Variants in LRP2 observed in about 807,000 individuals in gnomAD.
LRP2 encodes the protein LDL receptor related protein 2, also known as low-density lipoprotein receptor-related protein 2.
In LRP2, 172 loss-of-function variants were observed where a neutral mutation model predicts 531.0. That is an observed-to-expected ratio of 0.32 (90% CI 0.29 to 0.37). The LOEUF is 0.37. LRP2 is among the 10% of genes least tolerant of loss of function. The pLI, the probability that LRP2 is intolerant of heterozygous loss-of-function variation, is 1.00. For missense variants in LRP2, 5,167 were observed against 5,868.3 expected (o/e 0.88, Z 3.90); for synonymous variants, 1,992 against 2,027.6 (o/e 0.98, Z 0.47).
At chr2:169,356,255 A>G (rs549232194) in intron 1 of LRP2, among the ~76,000 whole-genome samples, 6 of 152,208 alleles carry the variant, frequency 3.9e-5, no homozygotes, top group Non-Finnish European at 4.4e-5. Context: ...GTTTTGTGAC[A>G]TTCACCAACA....
chr2:169,136,700 A>G (rs1338808716), intron 76 of LRP2, among the ~76,000 whole-genome samples: 16 of 130,494 alleles, frequency 1.2e-4, no homozygotes, highest in Admixed American at 9.1e-4. Flanking sequence ...TCCTTTACCT[A>G]CCCAAATCTT....
chr2:169,158,718 G>A (rs1686450660), intron 63 of LRP2, among the ~76,000 whole-genome samples: 1 of 148,196 alleles, frequency 6.7e-6, no homozygotes, highest in Admixed American at 6.7e-5. Flanking sequence ...AAAATACTAA[G>A]AAATATTTCT....
At chr2:169,133,899 A>G (rs903819825) in intron 76 of LRP2, among the ~76,000 whole-genome samples, 1 of 152,172 alleles carries the variant, frequency 6.6e-6, no homozygotes, top group Non-Finnish European at 1.5e-5. Context: ...CCTGGGCTGT[A>G]CTGCTGCAAA....
intron 42 of LRP2, 123 bp downstream of exon 42, chr2:169,203,859 A>G: frequency 1.9e-6 from 2 of 1,052,942 alleles, no homozygotes; most frequent in Non-Finnish European, 1.4e-6. Flanking sequence ...GGTCTGTTTC[A>G]TAAATTACCC....
chr2:169,181,572 C>G lies in LRP2; in HGVS notation c.10045G>C (p.Val3349Leu). The G allele has an allele frequency of 6.2e-7, 1 of 1,614,178 alleles. No individual in the cohort carries two copies. The highest frequency in any genetic ancestry group is 8.5e-7 in the Non-Finnish European group (1 of 1,180,024). Reference sequence around the variant, plus strand: ...GACTTGTTGGTTCCATCCATGCCTACTCTCCCAATGTATGCGCGGTGACCC... The same window carrying G: ...GACTTGTTGGTTCCATCCATGCCTAGTCTCCCAATGTATGCGCGGTGACCC... ...DWGHRAYIGR[V>L]GMDGTNKSVI... The change falls in exon 52 of 79, where the codon GTA becomes CTA. Residue 3349 changes from valine to leucine, a missense_variant. Val to Leu is a conservative substitution (Grantham distance 32). This residue lies in a region of LRP2 where 1,129 missense variants were observed against 1,362.7 expected (regional missense o/e 0.83). Coordinates refer to ENST00000649046, the MANE Select transcript of LRP2 (RefSeq NM_004525.3).
intron 65 of LRP2, among the ~76,000 whole-genome samples, chr2:169,155,324 T>A (rs576384301): frequency 6.6e-6 from 1 of 152,354 alleles, no homozygotes; most frequent in Non-Finnish European, 1.5e-5. Context: ...TTCAGTCATG[T>A]CCTTAGTTAA....
intron 32 of LRP2, 35 bp downstream of exon 32, chr2:169,226,387 T>C (rs1158818866): frequency 6.4e-7 from 1 of 1,568,662 alleles, no homozygotes; most frequent in East Asian, 2.2e-5. Flanking sequence ...TCTTCAAGAA[T>C]AAATTATATA....
Position 169,231,783 on chromosome 2 carries a change from G to A in LRP2, c.5158C>T (p.Pro1720Ser). Residue 1720 changes from proline (P) to serine (S), a missense_variant, in exon 31 of 79, where the codon CCT (proline) becomes TCT (serine). Pro to Ser is a moderately conservative substitution (Grantham distance 74, BLOSUM62 -1). Around this residue, in one of 6 missense-constraint regions of LRP2, gnomAD observed 2,811 missense variants for 3,058.0 expected, o/e 0.92. Coordinates refer to ENST00000649046, the MANE Select transcript of LRP2 (RefSeq NM_004525.3). Reference protein sequence around the residue: ...SHLCLLSSQGPHFYSCVCPSG... With the variant: ...SHLCLLSSQGSHFYSCVCPSG... The stretch of plus-strand genomic sequence containing the variant: ...GGACAAACACAGGAGTAAAAATGAG[G>A]CCCCTGTGAGGAAAGCAGGCAGAGA... 3.1e-6 allele frequency: 5 copies of A among 1,614,064 alleles called. No individual in the cohort carries two copies. The highest frequency in any genetic ancestry group is 1.3e-5 in the African/African-American group (1 of 75,010).
At chr2:169,229,207 G>A (rs933902363) in intron 31 of LRP2, among the ~76,000 whole-genome samples, 1 of 152,170 alleles carries the variant, frequency 6.6e-6, no homozygotes, top group Non-Finnish European at 1.5e-5. Flanking sequence ...GGTGGTGACG[G>A]TTAAGTAGGT....
Position 169,237,173 on chromosome 2 carries a change from T to G in LRP2, c.4621A>C (p.Ser1541Arg), listed in dbSNP as rs1689637569. 3 of 1,613,902 alleles carry G rather than the reference T, an allele frequency of 1.9e-6. No individual in the cohort carries two copies. Among genetic ancestry groups the G allele is most frequent in the Non-Finnish European group, 2.5e-6 (3 of 1,179,938 alleles). Reference sequence around the variant, plus strand: ...TTACTAATCAGCACAGTCCTGTGGCTCCCATCAATTTTGGAGACTTCAATT... The same window carrying G: ...TTACTAATCAGCACAGTCCTGTGGCGCCCATCAATTTTGGAGACTTCAATT... ...ETIEVSKIDGSHRTVLISKNL... is the reference protein window; with the variant it reads ...ETIEVSKIDGRHRTVLISKNL... Residue 1541 changes from serine to arginine, a missense_variant, in exon 28 of 79, where the codon AGC (serine) becomes CGC (arginine). Ser to Arg is a moderately radical substitution (Grantham distance 110). Around this residue, in one of 6 missense-constraint regions of LRP2, gnomAD observed 2,811 missense variants for 3,058.0 expected, o/e 0.92. Transcript: ENST00000649046.
intron 46 of LRP2, among the ~76,000 whole-genome samples, chr2:169,195,708 C>G (rs1404163408): frequency 6.6e-6 from 1 of 152,130 alleles, no homozygotes; most frequent in Non-Finnish European, 1.5e-5. Flanking sequence ...GACTATTCTA[C>G]TCATCCAGCA....
intron 60 of LRP2, 42 bp downstream of exon 60, chr2:169,169,660 G>C: frequency 1.4e-6 from 2 of 1,446,938 alleles, no homozygotes; most frequent in Non-Finnish European, 1.9e-6. Flanking sequence ...TCATATCCAT[G>C]CTCTCAGGTA....
intron 61 of LRP2, among the ~76,000 whole-genome samples, chr2:169,168,235 C>T (rs1003077831): frequency 6.6e-6 from 1 of 151,558 alleles, no homozygotes; most frequent in Admixed American, 6.6e-5. Flanking sequence ...CCTACCCTTC[C>T]TCAGACTTCA....
At chr2:169,134,893 G>A (rs1685440271) in intron 76 of LRP2, among the ~76,000 whole-genome samples, 1 of 152,150 alleles carries the variant, frequency 6.6e-6, no homozygotes, top group South Asian at 2.1e-4. Context: ...CATCGCTCAG[G>A]ACAATGCTTA....
chr2:169,243,211 C>A (rs879631308), intron 23 of LRP2, 139 bp from the exon 24 acceptor site: 1 of 880,812 alleles, frequency 1.1e-6, no homozygotes, highest in Non-Finnish European at 1.8e-6. Flanking sequence ...TAGGTATACA[C>A]GTGCCATGGT....
intron 65 of LRP2, 146 bp downstream of exon 65, chr2:169,156,128 G>A: frequency 1.0e-6 from 1 of 978,256 alleles, no homozygotes; most frequent in Non-Finnish European, 1.5e-6. Flanking sequence ...GACTAAAGAG[G>A]TGTTGGAAGA....
In LRP2 at chr2:169,148,801, G is replaced by A. The variant is rs766511966; in HGVS notation, c.12591-1842C>T. 1.1e-4 allele frequency among the ~76,000 whole-genome samples: 16 copies of A among 152,198 alleles called. 1 individual carries two copies. Among genetic ancestry groups the A allele is most frequent in the Admixed American group, 5.2e-4 (8 of 15,286 alleles). ...CTATTGCCTGAGCTTCTGAACAGCC[G>A]GCCTGGCTCCTTTGCCTATCAGTAC... On this transcript the variant is annotated intron_variant, in intron 68 of 78. Transcript: ENST00000649046.
chr2:169,294,332 GA>G, intron 5 of LRP2, 71 bp from the exon 6 acceptor site: 1 of 932,740 alleles, frequency 1.1e-6, no homozygotes, highest in Admixed American at 1.7e-5. Context: ...AATCTCAAAG[GA>G]AGAGCATCTC....
chr2:169,177,579 T>G (rs532504552), intron 53 of LRP2, among the ~76,000 whole-genome samples: 54 of 152,106 alleles, frequency 3.6e-4, no homozygotes, highest in Non-Finnish European at 6.3e-4. Context: ...CTTGAAGAAT[T>G]GAGCGAGTTT....
Sources: gnomAD v4.1 joint callset for allele counts (sites outside exome capture counted in the v4.1 genomes callset) on GRCh38, gnomAD v4.1.1 for gene constraint, gnomAD v4.1.1 regional missense constraint, MANE v1.5 for transcripts, NCBI Gene and HGNC (gene_info 2026-07-23, HGNC 2026-07-21) for gene names.